Variants in GALNT17 observed in about 807,000 individuals in gnomAD.
GALNT17 encodes the protein polypeptide N-acetylgalactosaminyltransferase 17.
In GALNT17, 29 loss-of-function variants were observed where a neutral mutation model predicts 63.7. That is an observed-to-expected ratio of 0.46 (90% CI 0.34 to 0.62). The LOEUF is 0.62. Ranked by LOEUF, GALNT17 falls within the 20% of genes least tolerant of loss-of-function variation. GALNT17 has a pLI of 0.01. For synonymous variants in GALNT17, 305 were observed against 318.3 expected, an observed-to-expected ratio of 0.96 and a Z score of 0.45; for missense variants, 603 against 799.6, an observed-to-expected ratio of 0.75 and a Z score of 2.97.
chr7:71,362,881 C>T (rs1477273198), intron 2 of GALNT17, among the ~76,000 whole-genome samples: 1 of 152,130 alleles, frequency 6.6e-6, no homozygotes, highest in Non-Finnish European at 1.5e-5. Context: ...TAAATCTCAG[C>T]CACGCTGAAC....
chr7:71,617,103 T>C (rs1302800540), intron 6 of GALNT17, among the ~76,000 whole-genome samples: 1 of 148,350 alleles, frequency 6.7e-6, no homozygotes, highest in African/African-American at 2.5e-5. Flanking sequence ...AGTTATATAC[T>C]TAATTATATA....
rs1788054989 is a variant in GALNT17 at position 71,147,895 on chromosome 7, G to A, written c.238+14855G>A. ...ATCCACTGCCTTGGCCTCCCAAAGT[G>A]CTGAGATTACATGCATGAGCCACTG... On this transcript the variant is annotated intron_variant, in intron 1 of 10. Transcript: ENST00000333538. Among the ~76,000 whole-genome samples the A allele has an allele frequency of 2.0e-5, 3 of 152,104 alleles. No individual in the cohort carries two copies. The South Asian group carries it at 6.2e-4, about 31-fold the overall frequency.
chr7:71,673,005 T>C (rs945478878), intron 8 of GALNT17, among the ~76,000 whole-genome samples: 18 of 152,286 alleles, frequency 1.2e-4, no homozygotes, highest in African/African-American at 3.4e-4. Context: ...GGTGTTTTTT[T>C]TTCCCCCTAT....
At chr7:71,503,936 A>G (rs1033878146) in intron 5 of GALNT17, among the ~76,000 whole-genome samples, 3 of 152,124 alleles carry the variant, frequency 2.0e-5, no homozygotes, top group Non-Finnish European at 4.4e-5. Flanking sequence ...TCTACTAAAA[A>G]TACAAAAAAT....
At chr7:71,619,037 A>T (rs753224384) in intron 6 of GALNT17, among the ~76,000 whole-genome samples, 5 of 152,216 alleles carry the variant, frequency 3.3e-5, no homozygotes, top group Non-Finnish European at 5.9e-5. Flanking sequence ...ATGGCTAGCC[A>T]GTTGTCCTGG....
intron 1 of GALNT17, among the ~76,000 whole-genome samples, chr7:71,198,485 C>T (rs141856338): frequency 1.7e-4 from 26 of 152,248 alleles, no homozygotes; most frequent in African/African-American, 6.0e-4. Flanking sequence ...CTAGAGAGAT[C>T]GAGAAGAAGC....
At chr7:71,349,974 T>C (rs1398561399) in intron 2 of GALNT17, among the ~76,000 whole-genome samples, 1 of 152,230 alleles carries the variant, frequency 6.6e-6, no homozygotes, top group Non-Finnish European at 1.5e-5. Context: ...TTGAAGAGTC[T>C]TGGGCTGTGC....
At chr7:71,223,601 A>G (rs1789626882) in intron 1 of GALNT17, among the ~76,000 whole-genome samples, 1 of 151,910 alleles carries the variant, frequency 6.6e-6, no homozygotes, top group African/African-American at 2.4e-5. Flanking sequence ...AAGGTTTGTT[A>G]CACAGGTGAA....
intron 1 of GALNT17, among the ~76,000 whole-genome samples, chr7:71,184,979 CCTTCCTTCCTTCCTTCCT>C (rs1788814241): frequency 1.1e-4 from 13 of 120,948 alleles, no homozygotes; most frequent in African/African-American, 4.8e-4. Flanking sequence ...TTCCTTCCTT[CCTTCCTTCCTTCCTTCCT>C]TCTTCCTTCC....
At chr7:71,164,450 C>T (rs530622486) in intron 1 of GALNT17, among the ~76,000 whole-genome samples, 3 of 152,334 alleles carry the variant, frequency 2.0e-5, no homozygotes, top group Non-Finnish European at 4.4e-5. Context: ...CGAATCACCT[C>T]CCACTAGGAT....
At chr7:71,531,670 G>A (rs1788723143) in intron 5 of GALNT17, among the ~76,000 whole-genome samples, 2 of 152,122 alleles carry the variant, frequency 1.3e-5, no homozygotes, top group African/African-American at 4.8e-5. Context: ...ACTCACTGCA[G>A]CCTCAACCTC....
intron 5 of GALNT17, among the ~76,000 whole-genome samples, chr7:71,537,200 A>G (rs1489886854): frequency 2.0e-5 from 3 of 152,160 alleles, no homozygotes; most frequent in Admixed American, 6.6e-5. Flanking sequence ...TTTGCATTGT[A>G]TATCATAGTC....
At chr7:71,409,017 AACAC>A (rs10674037) in intron 3 of GALNT17, among the ~76,000 whole-genome samples, 10,258 of 144,878 alleles carry the variant, frequency 0.071, 432 homozygotes, top group Middle Eastern at 0.17. Context: ...CACATACACA[AACAC>A]ACACACACAC....
intron 1 of GALNT17, among the ~76,000 whole-genome samples, chr7:71,137,843 C>T (rs1265386356): frequency 6.6e-6 from 1 of 152,150 alleles, no homozygotes; most frequent in African/African-American, 2.4e-5. Flanking sequence ...AGCCTTGAAA[C>T]AATGCAGAGA....
chr7:71,486,388 TAG>T (rs1787910896), intron 5 of GALNT17, among the ~76,000 whole-genome samples: 2 of 139,266 alleles, frequency 1.4e-5, no homozygotes, highest in Non-Finnish European at 3.1e-5. Flanking sequence ...ATAATAATAA[TAG>T]TAAATAATAT....
intron 1 of GALNT17, among the ~76,000 whole-genome samples, chr7:71,244,792 A>G (rs1790064086): frequency 6.6e-6 from 1 of 152,050 alleles, no homozygotes. Context: ...CTACAAAAAA[A>G]TTTAAAAATT....
At chr7:71,522,368 A>G (rs544286708) in intron 5 of GALNT17, among the ~76,000 whole-genome samples, 224 of 152,310 alleles carry the variant, frequency 1.5e-3, no homozygotes, top group Non-Finnish European at 2.7e-3. Flanking sequence ...AGACTGGACA[A>G]TTTACAAAAG....
intron 1 of GALNT17, among the ~76,000 whole-genome samples, chr7:71,291,739 CTT>C (rs1385960089): frequency 6.6e-6 from 1 of 152,104 alleles, no homozygotes; most frequent in African/African-American, 2.4e-5. Flanking sequence ...TTGATTATCT[CTT>C]GATTTTGAAG....
chr7:71,592,563 CTAAAA>C (rs71089963), intron 6 of GALNT17, among the ~76,000 whole-genome samples: 1,090 of 69,884 alleles, frequency 0.016, 34 homozygotes, highest in African/African-American at 0.025. Flanking sequence ...GCATAGCATA[CTAAAA>C]TAAAATAAAA....
Sources: gnomAD v4.1 joint callset for allele counts (sites outside exome capture counted in the v4.1 genomes callset) on GRCh38, gnomAD v4.1.1 for gene constraint, MANE v1.5 for transcripts, NCBI Gene and HGNC (gene_info 2026-07-23, HGNC 2026-07-21) for gene names.